Variants in CFAP20DC observed in about 807,000 individuals in gnomAD.
CFAP20DC encodes the protein protein CFAP20DC.
CFAP20DC carries 84 observed loss-of-function variants against 101.7 expected under a neutral mutation model. The observed-to-expected ratio is 0.83, with a 90% CI of 0.69 to 0.99. The LOEUF (loss-of-function observed/expected upper bound fraction) is 0.99, where lower values mean the gene tolerates loss of function less well. Among genes scored for constraint, CFAP20DC ranks in the 50% least tolerant of loss-of-function variants. CFAP20DC has a pLI of 0.00. For synonymous variants in CFAP20DC, 359 were observed against 351.2 expected, an observed-to-expected ratio of 1.02 and a Z score of -0.25; for missense variants, 1,007 against 970.3, an observed-to-expected ratio of 1.04 and a Z score of -0.50.
At chr3:59,008,899 CAAAT>C (rs2093510646) in intron 4 of CFAP20DC, among the ~76,000 whole-genome samples, 1 of 151,442 alleles carries the variant, frequency 6.6e-6, no homozygotes, top group African/African-American at 2.4e-5. Context: ...AAACAGTAAA[CAAAT>C]AAAGTGTACA....
At chr3:59,029,874 C>T (rs1196507866) in intron 4 of CFAP20DC, among the ~76,000 whole-genome samples, 1 of 152,128 alleles carries the variant, frequency 6.6e-6, no homozygotes, top group African/African-American at 2.4e-5. Flanking sequence ...CCATGCCTAA[C>T]ACGATGCCTG....
intron 14 of CFAP20DC, among the ~76,000 whole-genome samples, chr3:58,819,462 C>T (rs1316271534): frequency 6.7e-6 from 1 of 149,900 alleles, no homozygotes; most frequent in Non-Finnish European, 1.5e-5. Flanking sequence ...AAGGGGATAT[C>T]ACCACCGATC....
At chr3:58,936,470 C>T (rs2087636647) in intron 5 of CFAP20DC, among the ~76,000 whole-genome samples, 1 of 152,192 alleles carries the variant, frequency 6.6e-6, no homozygotes, top group African/African-American at 2.4e-5. Context: ...AAGACACATG[C>T]ACACGTATGT....
Position 58,863,593 on chromosome 3 carries a change from C to T in CFAP20DC, c.1558G>A (p.Glu520Lys). Residue 520 changes from glutamate to lysine, a missense_variant, in exon 12 of 17, where the codon GAG becomes AAG. Coordinates refer to ENST00000482387, the MANE Select transcript of CFAP20DC (RefSeq NM_001394063.1). The surrounding 1 kb of genome is among the most constrained non-coding windows in gnomAD (Gnocchi z 5.9). ...CTGTCGCCGCCGTAAAAATCATCCT[C>T]TGATTGGGTGTCTCTGCTTGTCACA... ...NSVTSRDTQS[E>K]DDFYGGDSSE... The T allele has an allele frequency of 6.2e-7, 1 of 1,614,176 alleles. No homozygotes were observed. The highest frequency in any genetic ancestry group is 8.5e-7 in the Non-Finnish European group (1 of 1,180,024).
intron 15 of CFAP20DC, among the ~76,000 whole-genome samples, chr3:58,786,593 G>A (rs2072359778): frequency 6.6e-6 from 1 of 151,892 alleles, no homozygotes; most frequent in South Asian, 2.1e-4. Context: ...TAGTTTCTTA[G>A]TAGCCGTCTC....
chr3:58,958,508 T>C (rs2090847367), intron 4 of CFAP20DC, among the ~76,000 whole-genome samples: 2 of 152,226 alleles, frequency 1.3e-5, no homozygotes, highest in Admixed American at 6.5e-5. Flanking sequence ...CAACTCTTTA[T>C]GTGGACACGT....
chr3:59,019,318 T>C (rs1481532329), intron 4 of CFAP20DC, among the ~76,000 whole-genome samples: 2 of 152,068 alleles, frequency 1.3e-5, no homozygotes, highest in Non-Finnish European at 2.9e-5. Flanking sequence ...CTCCTGAGCA[T>C]ACAACCAGAC....
intron 15 of CFAP20DC, among the ~76,000 whole-genome samples, chr3:58,782,578 T>C (rs2071936320): frequency 6.6e-6 from 1 of 152,036 alleles, no homozygotes; most frequent in African/African-American, 2.4e-5. Flanking sequence ...TTCAGTAAAG[T>C]TGAAGGATAC....
intron 5 of CFAP20DC, among the ~76,000 whole-genome samples, chr3:58,936,323 C>G (rs1255129670): frequency 1.9e-3 from 294 of 152,152 alleles, no homozygotes; most frequent in African/African-American, 6.4e-3. Flanking sequence ...TACACTGTTG[C>G]TGGGACTGTA....
At chr3:59,008,647 G>C (rs1251907390) in intron 4 of CFAP20DC, among the ~76,000 whole-genome samples, 1 of 151,950 alleles carries the variant, frequency 6.6e-6, no homozygotes, top group East Asian at 1.9e-4. Context: ...ACTCATAGGT[G>C]GGAATTGAAC....
At chr3:58,933,597 C>A (rs1390117915) in intron 5 of CFAP20DC, among the ~76,000 whole-genome samples, 1 of 151,980 alleles carries the variant, frequency 6.6e-6, no homozygotes, top group African/African-American at 2.4e-5. Context: ...GAAATCAAAC[C>A]AGAACTCAGG....
chr3:58,940,536 T>C (rs544277602), intron 4 of CFAP20DC, among the ~76,000 whole-genome samples: 184 of 152,346 alleles, frequency 1.2e-3, no homozygotes, highest in African/African-American at 3.9e-3. Flanking sequence ...GACTCTCCTT[T>C]TTTCACTGAA....
chr3:59,035,486 C>T (rs1394403871), intron 4 of CFAP20DC, among the ~76,000 whole-genome samples: 1 of 151,944 alleles, frequency 6.6e-6, no homozygotes, highest in African/African-American at 2.4e-5. Context: ...ATCAAAAAGA[C>T]ACAATAAAAA....
In CFAP20DC at chr3:58,891,280, G is replaced by C. The variant is rs1425333031; in HGVS notation, c.551-6571C>G. 2.0e-5 allele frequency among the ~76,000 whole-genome samples: 3 copies of C among 151,556 alleles called. No individual in the cohort carries two copies. In the South Asian group the frequency reaches 6.2e-4, roughly 32 times the overall value. ...TCCACCAAAACCAGTCAGGCGTGGC[G>C]GCGCGTGCCTGCAATGGCAGGCACT... On this transcript the variant is annotated intron_variant, in intron 6 of 16. Coordinates refer to ENST00000482387, the MANE Select transcript of CFAP20DC (RefSeq NM_001394063.1).
chr3:58,869,206 T>G lies in CFAP20DC; in HGVS notation c.1015+122A>C, dbSNP rs1245517908. On this transcript the variant is annotated intron_variant, in intron 9 of 16. Transcript: ENST00000482387. The surrounding 1 kb of genome is among the most constrained non-coding windows in gnomAD (Gnocchi z 4.3). ...TTTCAAAATCAACCACCCTTTTCAT[T>G]ATTAAATGACAATTCTCTAGACTTA... 1.4e-6 allele frequency: 1 copy of G among 701,138 alleles called. No individual in the cohort carries two copies. Among genetic ancestry groups the G allele is most frequent in the Non-Finnish European group, 2.2e-6 (1 of 449,842 alleles). The allele number at this position is 701,138 out of a possible 1,614,324, so 43.4% of individuals were successfully genotyped here.
intron 14 of CFAP20DC, among the ~76,000 whole-genome samples, chr3:58,821,307 A>T (rs1413857030): frequency 6.6e-6 from 1 of 152,336 alleles, no homozygotes; most frequent in East Asian, 1.9e-4. Context: ...ATCTAGTTAA[A>T]CTAAAGAGCT....
In CFAP20DC at chr3:58,742,261, G is replaced by A. The variant is rs2067914481; in HGVS notation, c.*199C>T. 1 of 1,139,060 alleles carries A rather than the reference G, an allele frequency of 8.8e-7. No individual in the cohort carries two copies. The highest frequency in any genetic ancestry group is 4.3e-5 in the South Asian group (1 of 23,350). 70.6% of individuals were successfully genotyped at this position (1,139,060 alleles called of 1,614,324 possible). A position where few individuals can be genotyped will look rare whatever the true frequency, so the allele number is the denominator to read the frequency against. The stretch of plus-strand genomic sequence containing the variant: ...TCTTGCCTCTGTATTAATTTCTTCA[G>A]TTTCAAAATCATACTCATCTACAAA... On this transcript the variant is annotated 3_prime_UTR_variant, in exon 17 of 17. Transcript: ENST00000482387.
chr3:58,753,132 T>A (rs2068692696), intron 16 of CFAP20DC, among the ~76,000 whole-genome samples: 1 of 152,222 alleles, frequency 6.6e-6, no homozygotes, highest in Non-Finnish European at 1.5e-5. Flanking sequence ...TTCATCTTTA[T>A]GGCTCATGCC....
downstream of CFAP20DC, among the ~76,000 whole-genome samples, chr3:58,737,684 A>G (rs547721553): frequency 1.3e-5 from 2 of 152,280 alleles, no homozygotes; most frequent in Admixed American, 1.3e-4. This position sits in a 1 kb window ranked among gnomAD's most constrained non-coding sequence, Gnocchi z 4.1. Context: ...CACTGCATTT[A>G]TTAACATTTA....
Sources: allele counts gnomAD v4.1 joint callset (sites outside exome capture counted in the v4.1 genomes callset), GRCh38; gene constraint gnomAD v4.1.1; non-coding constraint Gnocchi (gnomAD v3.1); transcripts MANE v1.5; gene names NCBI Gene and HGNC (gene_info 2026-07-23, HGNC 2026-07-21).